IDE: variants seen among roughly 807,000 people sequenced by gnomAD.
IDE encodes insulin-degrading enzyme.
Under a neutral mutation model 133.2 loss-of-function variants are expected in IDE, and 58 were observed. The observed-to-expected ratio is 0.44, with a 90% confidence interval of 0.35 to 0.54. The LOEUF (loss-of-function observed/expected upper bound fraction) is 0.54. IDE is among the 20% of genes least tolerant of loss of function. IDE has a pLI of 0.00. For synonymous variants in IDE, 396 were observed against 421.3 expected (o/e 0.94, Z 0.73); for missense variants, 981 against 1,234.0 (o/e 0.79, Z 3.07).
At chr10:92,513,840 A>G (rs1329462962) in intron 5 of IDE, among the ~76,000 whole-genome samples, 1 of 152,030 alleles carries the variant, frequency 6.6e-6, no homozygotes. Flanking sequence ...AGCAGTGAAC[A>G]AAACAAAGTT....
chr10:92,551,296 G>A (rs1842765178), intron 1 of IDE, among the ~76,000 whole-genome samples: 1 of 152,214 alleles, frequency 6.6e-6, no homozygotes, highest in Admixed American at 6.5e-5. Flanking sequence ...CTGGCTGGGT[G>A]CAGTGGCTCA....
chr10:92,477,220 T>C (rs1028188668), intron 15 of IDE, among the ~76,000 whole-genome samples: 2 of 152,066 alleles, frequency 1.3e-5, no homozygotes, highest in African/African-American at 2.4e-5. Flanking sequence ...TGGTACAATC[T>C]CGGCTGACTG....
At chr10:92,561,517 C>T (rs1460381556) in intron 1 of IDE, among the ~76,000 whole-genome samples, 1 of 150,594 alleles carries the variant, frequency 6.6e-6, no homozygotes, top group African/African-American at 2.4e-5. Flanking sequence ...TTTGGGAGGC[C>T]GAGGCGGGCG....
In IDE at chr10:92,452,238, C is replaced by T. The variant is rs1844776799; in HGVS notation, c.*2206G>A. 6.6e-6 allele frequency: 1 copy of T among 152,172 alleles called. No individual in the cohort carries two copies. Among genetic ancestry groups the T allele is most frequent in the Admixed American group, 6.5e-5 (1 of 15,284 alleles). 9.4% of individuals were successfully genotyped at this position (152,172 alleles called of 1,614,324 possible). ...ACTGGAAAAATAATACAAATGCAGA[C>T]TCCAGAGGTGAAATTCAGGCGATTT... On this transcript the variant is annotated 3_prime_UTR_variant, in exon 25 of 25. Transcript: ENST00000265986.
At chr10:92,500,788 T>C (rs1255863376) in intron 11 of IDE, among the ~76,000 whole-genome samples, 5 of 151,876 alleles carry the variant, frequency 3.3e-5, no homozygotes, top group African/African-American at 1.2e-4. Context: ...CTGACTTATC[T>C]AGGTCCTTTG....
rs546867490 is a variant in IDE, at chr10:92,456,074, T to C, written c.2896+285A>G. Reference sequence around the variant, plus strand: ...ACTGGGAAGTTAACTTGCTTACCCATACTCCCCACATGCAGTGGTTCATGC... The same window carrying C: ...ACTGGGAAGTTAACTTGCTTACCCACACTCCCCACATGCAGTGGTTCATGC... On this transcript the variant is annotated intron_variant, in intron 23 of 24. Coordinates refer to ENST00000265986, the MANE Select transcript of IDE (RefSeq NM_004969.4). 2.6e-5 allele frequency among the ~76,000 whole-genome samples: 4 copies of C among 152,308 alleles called. No individual in the cohort carries two copies. In the South Asian group the frequency reaches 8.3e-4, roughly 32 times the overall value.
rs575665539 is a variant in IDE at position 92,455,489 on chromosome 10, A to G, written c.2964+87T>C. The G allele has an allele frequency of 1.3e-5, 11 of 876,322 alleles. No homozygotes were observed. In the South Asian group the frequency reaches 1.4e-4, roughly 11 times the overall value. The allele number at this position is 876,322 out of a possible 1,614,324, so 54.3% of individuals were successfully genotyped here. On this transcript the variant is annotated intron_variant, in intron 24 of 24. Transcript: ENST00000265986. ...GAGTGAGACTCCATTTCAAAAACAA[A>G]AAACAAAAAACAAAAAAAACCAAGC...
At chr10:92,556,179 CAA>C (rs60008680) in intron 1 of IDE, among the ~76,000 whole-genome samples, 33 of 69,204 alleles carry the variant, frequency 4.8e-4, no homozygotes, top group South Asian at 2.7e-3. Flanking sequence ...GACTCCGTCT[CAA>C]AAAAAAAAAA....
chr10:92,521,257 A>G (rs1239239814), intron 4 of IDE, among the ~76,000 whole-genome samples: 1 of 152,234 alleles, frequency 6.6e-6, no homozygotes, highest in East Asian at 1.9e-4. Context: ...TGTATGCCCA[A>G]TGGAAAAATA....
At chr10:92,473,599 A>G (rs1846093984) in intron 17 of IDE, among the ~76,000 whole-genome samples, 1 of 152,102 alleles carries the variant, frequency 6.6e-6, no homozygotes. Context: ...TTTTTAACTG[A>G]ACTGATCTAA....
chr10:92,504,452 G>A (rs530630742), intron 11 of IDE, among the ~76,000 whole-genome samples: 69 of 152,178 alleles, frequency 4.5e-4, no homozygotes, highest in African/African-American at 1.3e-3. Flanking sequence ...TACTTTGGGC[G>A]TTTGAGTTAG....
At chr10:92,551,362 G>A (rs1275035862) in intron 1 of IDE, among the ~76,000 whole-genome samples, 1 of 152,066 alleles carries the variant, frequency 6.6e-6, no homozygotes, top group Non-Finnish European at 1.5e-5. Context: ...GAGGTCAAGA[G>A]ATCGAGACCA....
intron 12 of IDE, among the ~76,000 whole-genome samples, chr10:92,490,225 C>T (rs3737225): frequency 0.034 from 5,172 of 152,306 alleles, 139 homozygotes; most frequent in Admixed American, 0.058. Context: ...TGCCTGTGCC[C>T]ATGTACTCTG....
chr10:92,531,038 T>C (rs894178971), intron 4 of IDE, among the ~76,000 whole-genome samples: 5 of 152,198 alleles, frequency 3.3e-5, no homozygotes, highest in Non-Finnish European at 7.3e-5. Flanking sequence ...TTTAAAAGTA[T>C]AGCAATCTGT....
intron 1 of IDE, among the ~76,000 whole-genome samples, chr10:92,562,111 C>G (rs1388846550): frequency 1.3e-5 from 2 of 152,156 alleles, no homozygotes; most frequent in Non-Finnish European, 2.9e-5. Context: ...CCCACTGTTA[C>G]CAGATTATCC....
intron 17 of IDE, among the ~76,000 whole-genome samples, chr10:92,472,839 T>G (rs910294807): frequency 6.6e-6 from 1 of 151,684 alleles, no homozygotes; most frequent in Admixed American, 6.6e-5. Context: ...GGTTTCACCA[T>G]GTTGGCCAGA....
intron 4 of IDE, among the ~76,000 whole-genome samples, chr10:92,516,496 AT>A (rs1848939512): frequency 6.6e-6 from 1 of 152,212 alleles, no homozygotes; most frequent in African/African-American, 2.4e-5. Flanking sequence ...TCTCAAAAAA[AT>A]ATGTCTATAT....
At chr10:92,522,751 G>A (rs185549257) in intron 4 of IDE, among the ~76,000 whole-genome samples, 1 of 152,302 alleles carries the variant, frequency 6.6e-6, no homozygotes, top group Non-Finnish European at 1.5e-5. Context: ...ATTATCTTAA[G>A]TCTTAATCTA....
chr10:92,539,238 T>C (rs1266281533), intron 1 of IDE, among the ~76,000 whole-genome samples: 1 of 152,042 alleles, frequency 6.6e-6, no homozygotes, highest in Non-Finnish European at 1.5e-5. Flanking sequence ...AGATCTTCTT[T>C]AGAGGAGAGG....
Sources: gnomAD v4.1 joint callset for allele counts (sites outside exome capture counted in the v4.1 genomes callset) on GRCh38, gnomAD v4.1.1 for gene constraint, MANE v1.5 for transcripts, NCBI Gene and HGNC (gene_info 2026-07-23, HGNC 2026-07-21) for gene names.